Variants in YPEL1 observed in about 807,000 individuals in gnomAD.
YPEL1 encodes yippee like 1, also known as protein yippee-like 1.
YPEL1 carries 7 observed loss-of-function variants against 17.3 expected under a neutral mutation model. The ratio of observed to expected loss-of-function variants is 0.40; its 90% confidence interval spans 0.23 to 0.76. The LOEUF is 0.76. Ranked by LOEUF, YPEL1 falls within the 30% of genes least tolerant of loss-of-function variation. The pLI is 0.35. For missense variants in YPEL1, 91 were observed against 155.5 expected (o/e 0.59, Z 2.21); for synonymous variants, 59 against 59.6 (o/e 0.99, Z 0.05).
rs1358850219 is a variant in YPEL1, at chr22:21,698,421, A to C, written c.*2708T>G. On this transcript the variant is annotated 3_prime_UTR_variant, in exon 5 of 5. Coordinates refer to ENST00000339468, the MANE Select transcript of YPEL1 (RefSeq NM_013313.5). The stretch of plus-strand genomic sequence containing the variant: ...TAAATAGAACTTTAGTATATACAAA[A>C]ACCACTCGGTAGAGTTTTAGAAGTT... 1.3e-5 allele frequency: 2 copies of C among 152,008 alleles called. No individual in the cohort carries two copies. The highest frequency in any genetic ancestry group is 4.8e-5 in the African/African-American group (2 of 41,372). The allele number at this position is 152,008 out of a possible 1,614,324, so 9.4% of individuals were successfully genotyped here. A position where few individuals can be genotyped will look rare whatever the true frequency, so the allele number is the denominator to read the frequency against.
Position 21,700,170 on chromosome 22 carries a change from A to G in YPEL1, c.*959T>C, listed in dbSNP as rs573268377. ...CTTTAAGGGTTCATTTGCAAGAGGA[A>G]TAGCCAATTTGAAGTTCTGCAAATT... is the stretch of plus-strand genomic sequence containing the variant. On this transcript the variant is annotated 3_prime_UTR_variant, in exon 5 of 5. Transcript: ENST00000339468. 104 of 152,488 alleles carry G rather than the reference A, an allele frequency of 6.8e-4. No homozygotes were observed. The highest frequency in any genetic ancestry group is 2.4e-3 in the African/African-American group (99 of 41,578). 9.4% of individuals were successfully genotyped at this position (152,488 alleles called of 1,614,324 possible).
At chr22:21,727,628 T>C (rs768091369) in intron 1 of YPEL1, among the ~76,000 whole-genome samples, 9 of 152,214 alleles carry the variant, frequency 5.9e-5, no homozygotes, top group Non-Finnish European at 1.2e-4. Context: ...CCCATGTCCA[T>C]ATGGTGCCGG....
At chr22:21,726,418 G>A (rs887423441) in intron 1 of YPEL1, among the ~76,000 whole-genome samples, 3 of 152,188 alleles carry the variant, frequency 2.0e-5, no homozygotes, top group East Asian at 3.8e-4. Flanking sequence ...CTGAGAAATA[G>A]GCATCCCTGC....
chr22:21,702,707 G>A (rs1291232844), intron 4 of YPEL1, among the ~76,000 whole-genome samples: 1 of 152,186 alleles, frequency 6.6e-6, no homozygotes, highest in Non-Finnish European at 1.5e-5. Flanking sequence ...TGGAATCTCA[G>A]GTGGCCTGGG....
chr22:21,713,623 A>G (rs1435220477), intron 1 of YPEL1, among the ~76,000 whole-genome samples: 1 of 152,192 alleles, frequency 6.6e-6, no homozygotes, highest in African/African-American at 2.4e-5. Flanking sequence ...TCAGTTTTGC[A>G]ACATGAAGAA....
At position 21,720,312 on chromosome 22, in the gene YPEL1, C is replaced by T. The variant is rs548096214; in HGVS notation, c.-164-9404G>A. Among the ~76,000 whole-genome samples, 35 of 151,340 alleles carry T rather than the reference C, an allele frequency of 2.3e-4. No homozygotes were observed. The South Asian group carries it at 6.9e-3, about 30-fold the overall frequency. ...CTTGACCTCCTGGGCTCAAGCAATC[C>T]TCCCAGCTCAGCCTCCCAAGTAGCT... On this transcript the variant is annotated intron_variant, in intron 1 of 4. Coordinates refer to ENST00000339468, the MANE Select transcript of YPEL1 (RefSeq NM_013313.5).
chr22:21,703,713 G>GGGC lies in YPEL1; in HGVS notation c.161+125_161+126insGCC, dbSNP rs1555903185. ...TAGCGCGTTTCAGAAACTCCCGGCG[G>GGGC]GGGGATGGTGGGTTCTTTCAGGACC... On this transcript the variant is annotated intron_variant, in intron 3 of 4. Coordinates refer to ENST00000339468, the MANE Select transcript of YPEL1 (RefSeq NM_013313.5). The surrounding 1 kb of genome is among the most constrained non-coding windows in gnomAD (Gnocchi z 6.1). 4.5e-6 allele frequency: 5 copies of GGGC among 1,115,074 alleles called. No homozygotes were observed. Among genetic ancestry groups the GGGC allele is most frequent in the Non-Finnish European group, 6.4e-6 (5 of 782,708 alleles). The allele number at this position is 1,115,074 out of a possible 1,614,324, so 69.1% of individuals were successfully genotyped here. A position where few individuals can be genotyped will look rare whatever the true frequency, so the allele number is the denominator to read the frequency against.
At chr22:21,701,503 C>G (rs561746415) in intron 4 of YPEL1, among the ~76,000 whole-genome samples, 272 of 152,332 alleles carry the variant, frequency 1.8e-3, no homozygotes, top group African/African-American at 6.3e-3. Context: ...TAAGGTCTCA[C>G]TCTGTCACTC....
intron 2 of YPEL1, among the ~76,000 whole-genome samples, chr22:21,705,716 A>AAAC (rs982804078): frequency 6.6e-6 from 1 of 152,152 alleles, no homozygotes; most frequent in Non-Finnish European, 1.5e-5. Context: ...TTAGGAAAAC[A>AAAC]AACAACAACA....
chr22:21,724,056 G>A (rs112725578), intron 1 of YPEL1, among the ~76,000 whole-genome samples: 15 of 152,166 alleles, frequency 9.9e-5, no homozygotes, highest in African/African-American at 3.1e-4. Flanking sequence ...TGTATGTCTT[G>A]AGATGGCAAA....
Position 21,703,832 on chromosome 22 carries a change from T to C in YPEL1, c.161+7A>G, listed in dbSNP as rs909563099. 1.2e-6 allele frequency: 2 copies of C among 1,608,856 alleles called. No homozygotes were observed. Among genetic ancestry groups the C allele is most frequent in the Admixed American group, 1.7e-5 (1 of 59,458 alleles). ...CCGCTCCCCCCGGGCTGAACCAGGG[T>C]ACTCACACGGAATTGAAGAGGTAGG... is the stretch of plus-strand genomic sequence containing the variant. On this transcript the variant is annotated splice_region_variant and intron_variant, in intron 3 of 4. Coordinates refer to ENST00000339468, the MANE Select transcript of YPEL1 (RefSeq NM_013313.5). The surrounding 1 kb of genome is among the most constrained non-coding windows in gnomAD (Gnocchi z 6.1).
At chr22:21,711,646 G>T (rs1487941693) in intron 1 of YPEL1, among the ~76,000 whole-genome samples, 1 of 151,406 alleles carries the variant, frequency 6.6e-6, no homozygotes, top group Non-Finnish European at 1.5e-5. Flanking sequence ...TCAACAAATG[G>T]TGTCACAACA....
chr22:21,702,625 ACAAC>A (rs1296454582), intron 4 of YPEL1, among the ~76,000 whole-genome samples: 2 of 151,626 alleles, frequency 1.3e-5, no homozygotes, highest in Non-Finnish European at 3.0e-5. Flanking sequence ...AACAAACAAA[ACAAC>A]AACAACAACA....
At chr22:21,727,958 G>A (rs371825443) in intron 1 of YPEL1, among the ~76,000 whole-genome samples, 1 of 152,206 alleles carries the variant, frequency 6.6e-6, no homozygotes, top group East Asian at 1.9e-4. Flanking sequence ...AGTGCGTCAG[G>A]GTCAGAGGCT....
chr22:21,725,381 G>A (rs894730865), intron 1 of YPEL1, among the ~76,000 whole-genome samples: 27 of 151,858 alleles, frequency 1.8e-4, no homozygotes, highest in African/African-American at 5.1e-4. Context: ...CACCACACCC[G>A]GCTAATTTTT....
Position 21,698,308 on chromosome 22 carries a change from G to A in YPEL1, c.*2821C>T, listed in dbSNP as rs1463221349. 6.7e-6 allele frequency: 1 copy of A among 148,324 alleles called. No individual in the cohort carries two copies. Among genetic ancestry groups the A allele is most frequent in the Non-Finnish European group, 1.5e-5 (1 of 66,984 alleles). The allele number at this position is 148,324 out of a possible 1,614,324, so 9.2% of individuals were successfully genotyped here. A position where few individuals can be genotyped will look rare whatever the true frequency, so the allele number is the denominator to read the frequency against. ...AGTCATAAGACTACTAGTAAAAAAT[G>A]TTCAATCAATGCCGTCACAAAAGAC... On this transcript the variant is annotated 3_prime_UTR_variant, in exon 5 of 5. Transcript: ENST00000339468.
At position 21,719,157 on chromosome 22, in the gene YPEL1, C is replaced by T. The variant is rs180845974; in HGVS notation, c.-164-8249G>A. Among the ~76,000 whole-genome samples, 8 of 152,258 alleles carry T rather than the reference C, an allele frequency of 5.3e-5. No homozygotes were observed. In the South Asian group the frequency reaches 6.2e-4, roughly 12 times the overall value. ...GAGGTCATGGGGACAGGTATCAGCT[C>T]GGCCACCACCCTCCAGGAGCCCAGC... On this transcript the variant is annotated intron_variant, in intron 1 of 4. Coordinates refer to ENST00000339468, the MANE Select transcript of YPEL1 (RefSeq NM_013313.5).
At chr22:21,722,093 C>T (rs754563103) in intron 1 of YPEL1, among the ~76,000 whole-genome samples, 2 of 152,180 alleles carry the variant, frequency 1.3e-5, no homozygotes, top group African/African-American at 2.4e-5. Flanking sequence ...ATAAAGAGAA[C>T]ATGGTATACA....
At chr22:21,705,456 T>C (rs1461637788) in intron 2 of YPEL1, among the ~76,000 whole-genome samples, 7 of 152,236 alleles carry the variant, frequency 4.6e-5, no homozygotes, top group African/African-American at 1.4e-4. Context: ...CATTTCTGTA[T>C]AAAACAAAGA....
Sources: gnomAD v4.1 joint callset for allele counts (sites outside exome capture counted in the v4.1 genomes callset) on GRCh38, gnomAD v4.1.1 for gene constraint, Gnocchi (gnomAD v3.1) non-coding constraint, MANE v1.5 for transcripts, NCBI Gene and HGNC (gene_info 2026-07-23, HGNC 2026-07-21) for gene names.